Variants in ELOVL6 observed in about 807,000 individuals in gnomAD.
ELOVL6 encodes very long chain fatty acid elongase 6.
In ELOVL6, 8 loss-of-function variants were observed where a neutral mutation model predicts 31.7. The ratio of observed to expected loss-of-function variants is 0.25; its 90% CI spans 0.15 to 0.45. The LOEUF (loss-of-function observed/expected upper bound fraction) is 0.45. Among genes scored for constraint, ELOVL6 ranks in the 20% least tolerant of loss-of-function variants. ELOVL6 has a pLI of 1.00. For missense variants in ELOVL6, 126 were observed against 326.4 expected, an observed-to-expected ratio of 0.39 and a Z score of 4.73; for synonymous variants, 101 against 117.7, an observed-to-expected ratio of 0.86 and a Z score of 0.92.
chr4:110,140,937 C>T (rs1339213324), intron 1 of ELOVL6, among the ~76,000 whole-genome samples: 1 of 152,086 alleles, frequency 6.6e-6, no homozygotes, highest in Non-Finnish European at 1.5e-5. Context: ...TCACTGGACT[C>T]ACAGTTCCAC....
intron 1 of ELOVL6, among the ~76,000 whole-genome samples, chr4:110,168,993 A>T (rs1758861842): frequency 6.6e-6 from 1 of 152,026 alleles, no homozygotes. Flanking sequence ...AAAGGGTCTC[A>T]CTCTGTCACC....
intron 1 of ELOVL6, among the ~76,000 whole-genome samples, chr4:110,167,732 C>T (rs533275718): frequency 6.6e-6 from 1 of 152,090 alleles, no homozygotes; most frequent in African/African-American, 2.4e-5. Flanking sequence ...GACAGGGTCT[C>T]CCTGTGCTGC....
chr4:110,099,443 TG>T (rs1191416274), intron 2 of ELOVL6, among the ~76,000 whole-genome samples: 1 of 152,128 alleles, frequency 6.6e-6, no homozygotes, highest in East Asian at 1.9e-4. Flanking sequence ...CAGGAAAAAC[TG>T]GTGGTTAATA....
rs553416536 is a variant in ELOVL6 at position 110,148,964 on chromosome 4, G to A, written c.90-43336C>T. On this transcript the variant is annotated intron_variant, in intron 1 of 3. Coordinates refer to ENST00000302274, the MANE Select transcript of ELOVL6 (RefSeq NM_024090.3). ...CAAGGTCAATCTCCCAGGCTCAAGC[G>A]ATTCTCCTGCCTTGGCCTCCCAAGT... 2.6e-4 allele frequency among the ~76,000 whole-genome samples: 40 copies of A among 152,240 alleles called. No homozygotes were observed. In the South Asian group the frequency reaches 3.7e-3, roughly 14 times the overall value.
At position 110,071,888 on chromosome 4, in the gene ELOVL6, G is replaced by A. The variant is rs114836374; in HGVS notation, c.222-12134C>T. On this transcript the variant is annotated intron_variant, in intron 2 of 3. Coordinates refer to ENST00000302274, the MANE Select transcript of ELOVL6 (RefSeq NM_024090.3). ...ACAGACCTCCAGGGAAGTTTCAGGA[G>A]GATTTTCCAAAAGATTTCAGGGCCT... 8.9e-3 allele frequency among the ~76,000 whole-genome samples: 1,349 copies of A among 152,308 alleles called. 17 individuals carry two copies. The highest frequency in any genetic ancestry group is 0.031 in the African/African-American group (1,285 of 41,554).
chr4:110,174,005 A>G (rs1214317434), intron 1 of ELOVL6, among the ~76,000 whole-genome samples: 1 of 152,080 alleles, frequency 6.6e-6, no homozygotes, highest in Non-Finnish European at 1.5e-5. Context: ...AAAAATAAAA[A>G]TATAAAAAAG....
intron 1 of ELOVL6, 118 bp downstream of exon 1, chr4:110,198,129 G>C: frequency 1.4e-6 from 1 of 708,892 alleles, no homozygotes; most frequent in South Asian, 1.4e-5. Flanking sequence ...TCAGCGATCA[G>C]CTGGCTGCCC....
In ELOVL6 at chr4:110,161,611, C is replaced by T. The variant is rs148624781; in HGVS notation, c.89+36636G>A. ...TTTGTGCTTTGTGTTGGCAATTTCA[C>T]GGTTTAAAATGGCTCCCAAGCTTAC... On this transcript the variant is annotated intron_variant, in intron 1 of 3. Transcript: ENST00000302274. Among the ~76,000 whole-genome samples the T allele has an allele frequency of 8.7e-4, 133 of 152,236 alleles. 1 individual carries two copies. Among genetic ancestry groups the T allele is most frequent in the East Asian group, 6.0e-3 (31 of 5,174 alleles).
At chr4:110,119,838 A>G (rs1206465727) in intron 1 of ELOVL6, among the ~76,000 whole-genome samples, 1 of 152,138 alleles carries the variant, frequency 6.6e-6, no homozygotes. Flanking sequence ...TTATTCTTAC[A>G]AGTTTCTCTT....
chr4:110,101,949 C>T (rs955672857), intron 2 of ELOVL6, among the ~76,000 whole-genome samples: 3 of 152,006 alleles, frequency 2.0e-5, no homozygotes, highest in African/African-American at 4.8e-5. Flanking sequence ...CTGCTTTTGC[C>T]CCCCAAAAAG....
chr4:110,071,461 A>T (rs1174091769), intron 2 of ELOVL6, among the ~76,000 whole-genome samples: 1 of 152,184 alleles, frequency 6.6e-6, no homozygotes, highest in East Asian at 1.9e-4. Context: ...TGGAGCAAGT[A>T]TGTGTATGCT....
chr4:110,117,546 T>A (rs1180555811), intron 1 of ELOVL6, among the ~76,000 whole-genome samples: 1 of 152,016 alleles, frequency 6.6e-6, no homozygotes, highest in Admixed American at 6.6e-5. Flanking sequence ...CTGACTACGA[T>A]GGGCCATGTC....
chr4:110,133,180 A>G lies in ELOVL6; in HGVS notation c.90-27552T>C, dbSNP rs368647263. ...TTAAGGAGTGTCATGGGTCAGGGGT[A>G]GAGAAAAGAGAGGAAGTTAAGTGTC... On this transcript the variant is annotated intron_variant, in intron 1 of 3. Coordinates refer to ENST00000302274, the MANE Select transcript of ELOVL6 (RefSeq NM_024090.3). Among the ~76,000 whole-genome samples the G allele has an allele frequency of 1.5e-4, 23 of 152,302 alleles. No homozygotes were observed. In the East Asian group the frequency reaches 4.4e-3, roughly 29 times the overall value.
intron 1 of ELOVL6, among the ~76,000 whole-genome samples, chr4:110,190,270 A>G (rs576562726): frequency 6.6e-6 from 1 of 152,138 alleles, no homozygotes; most frequent in Non-Finnish European, 1.5e-5. Flanking sequence ...TGTACAAAGT[A>G]AAGACTTAAA....
chr4:110,093,041 G>A, intron 2 of ELOVL6: 1 of 420,140 alleles, frequency 2.4e-6, no homozygotes, highest in Admixed American at 3.1e-5. Flanking sequence ...AGTTTCAAAA[G>A]AGCTATGGTA....
chr4:110,090,596 C>CTTCCTTTTTTTT (rs1206850406), intron 2 of ELOVL6, among the ~76,000 whole-genome samples: 1 of 82,576 alleles, frequency 1.2e-5, no homozygotes, highest in Admixed American at 1.1e-4. Context: ...GAAAGTTTGA[C>CTTCCTTTTTTTT]TTTCTTTTTT....
At chr4:110,079,105 C>A (rs1388298416) in intron 2 of ELOVL6, among the ~76,000 whole-genome samples, 1 of 149,980 alleles carries the variant, frequency 6.7e-6, no homozygotes, top group Non-Finnish European at 1.5e-5. Context: ...CCTTAGAGAC[C>A]TACAAAGAGA....
intron 1 of ELOVL6, among the ~76,000 whole-genome samples, chr4:110,167,363 T>G (rs758149324): frequency 6.6e-6 from 1 of 152,210 alleles, no homozygotes; most frequent in South Asian, 2.1e-4. Flanking sequence ...GTTTACAAAT[T>G]GGCCTTGTTA....
chr4:110,115,013 A>C (rs111339733), intron 1 of ELOVL6, among the ~76,000 whole-genome samples: 106 of 152,320 alleles, frequency 7.0e-4, no homozygotes, highest in African/African-American at 2.3e-3. Context: ...CTTAATATTT[A>C]TATAGGGTTT....
Sources: gnomAD v4.1 joint callset for allele counts (sites outside exome capture counted in the v4.1 genomes callset) on GRCh38, gnomAD v4.1.1 for gene constraint, MANE v1.5 for transcripts, NCBI Gene and HGNC (gene_info 2026-07-23, HGNC 2026-07-21) for gene names.